The following PLCE1 variants were observed in gnomAD, a reference collection of about 807,000 sequenced individuals.
PLCE1 encodes 1-phosphatidylinositol 4,5-bisphosphate phosphodiesterase epsilon-1.
Under a neutral mutation model 242.8 loss-of-function variants are expected in PLCE1, and 119 were observed. The observed-to-expected ratio is 0.49, with a 90% CI of 0.42 to 0.57. The LOEUF (loss-of-function observed/expected upper bound fraction) is 0.57, where lower values mean the gene tolerates loss of function less well. Ranked by LOEUF, PLCE1 falls within the 20% of genes least tolerant of loss-of-function variation. The pLI is 0.00. For synonymous variants in PLCE1, 945 were observed against 1,017.4 expected (o/e 0.93, Z 1.35); for missense variants, 2,441 against 2,788.8 (o/e 0.88, Z 2.81).
intron 21 of PLCE1, 117 bp downstream of exon 21, chr10:94,284,028 A>C: frequency 8.2e-7 from 1 of 1,222,220 alleles, no homozygotes; most frequent in Non-Finnish European, 1.2e-6. Flanking sequence ...ACTTTCCCTT[A>C]GATACCTGCC....
At position 94,328,871 on chromosome 10, in the gene PLCE1, C is replaced by T. The variant is rs534745140; in HGVS notation, c.*928C>T. 2.4e-4 allele frequency: 37 copies of T among 152,032 alleles called. No homozygotes were observed. In the South Asian group the frequency reaches 6.9e-3, roughly 28 times the overall value. 9.4% of individuals were successfully genotyped at this position (152,032 alleles called of 1,614,324 possible). ...GATTAGATTACTCATTTTTGGTTTT[C>T]AAAATGAATTTAGAATGACGTATAA... On this transcript the variant is annotated 3_prime_UTR_variant, in exon 33 of 33. Coordinates refer to ENST00000371380, the MANE Select transcript of PLCE1 (RefSeq NM_016341.4).
chr10:94,305,673 T>C (rs1035296723), intron 25 of PLCE1, among the ~76,000 whole-genome samples: 3 of 152,232 alleles, frequency 2.0e-5, no homozygotes, highest in African/African-American at 7.2e-5. Context: ...GGTAGTTTTA[T>C]CTGTTTACAG....
At chr10:94,088,727 T>C (rs567479632) in intron 2 of PLCE1, among the ~76,000 whole-genome samples, 168 of 152,316 alleles carry the variant, frequency 1.1e-3, no homozygotes, top group East Asian at 1.2e-3. Flanking sequence ...TGATACTGGG[T>C]TCTTTGCACA....
chr10:94,005,849 T>C (rs925977166), intron 1 of PLCE1, among the ~76,000 whole-genome samples: 6 of 152,326 alleles, frequency 3.9e-5, no homozygotes, highest in Non-Finnish European at 8.8e-5. Flanking sequence ...TCCATTCTAA[T>C]GTTTGTCTTT....
At chr10:94,200,358 G>A (rs1283981076) in intron 4 of PLCE1, among the ~76,000 whole-genome samples, 2 of 152,180 alleles carry the variant, frequency 1.3e-5, no homozygotes, top group African/African-American at 2.4e-5. Flanking sequence ...TGCTTCAACG[G>A]AAACACAAGT....
chr10:94,255,966 TCC>T (rs2051077932), intron 11 of PLCE1, among the ~76,000 whole-genome samples: 4 of 84,624 alleles, frequency 4.7e-5, no homozygotes, highest in South Asian at 4.2e-4. Flanking sequence ...TCCCCACCCC[TCC>T]CTCTCTCCCC....
rs548340585 is a variant in PLCE1, at chr10:94,259,799, T to A, written c.3814+649T>A. ...GACATACCCAAGACTGGGTAATTTA[T>A]AAGGAAAAAGAGGTTTAAGGGGCTC... On this transcript the variant is annotated intron_variant, in intron 13 of 32. Transcript: ENST00000371380. Among the ~76,000 whole-genome samples the A allele has an allele frequency of 6.7e-4, 102 of 152,192 alleles. 1 individual carries two copies. Among genetic ancestry groups the A allele is most frequent in the Admixed American group, 1.6e-3 (25 of 15,286 alleles).
intron 3 of PLCE1, among the ~76,000 whole-genome samples, chr10:94,167,930 G>A (rs183354784): frequency 3.0e-4 from 46 of 152,008 alleles, no homozygotes; most frequent in African/African-American, 6.8e-4. Context: ...CAAGTGATCC[G>A]CCAGCCTCGG....
At chr10:94,301,949 T>C (rs541828609) in intron 24 of PLCE1, among the ~76,000 whole-genome samples, 2 of 152,214 alleles carry the variant, frequency 1.3e-5, no homozygotes, top group Non-Finnish European at 2.9e-5. Flanking sequence ...GTGAATGGTG[T>C]CTACATAATG....
chr10:94,041,607 C>T (rs1017321669), intron 2 of PLCE1, among the ~76,000 whole-genome samples: 1 of 152,130 alleles, frequency 6.6e-6, no homozygotes, highest in Non-Finnish European at 1.5e-5. Flanking sequence ...AGGAAACACG[C>T]CTCCCGATCT....
chr10:94,086,151 G>T (rs1427036211), intron 2 of PLCE1, among the ~76,000 whole-genome samples: 1 of 152,100 alleles, frequency 6.6e-6, no homozygotes, highest in Non-Finnish European at 1.5e-5. Context: ...TGCTGTGCTG[G>T]GGAAGCTTTG....
chr10:94,067,499 T>C (rs566423763), intron 2 of PLCE1, among the ~76,000 whole-genome samples: 1 of 152,230 alleles, frequency 6.6e-6, no homozygotes, highest in African/African-American at 2.4e-5. Flanking sequence ...TTTAAATAAG[T>C]CAGGTTCAAG....
chr10:94,313,761 T>C (rs2053471284), intron 28 of PLCE1, among the ~76,000 whole-genome samples: 1 of 152,156 alleles, frequency 6.6e-6, no homozygotes, highest in Non-Finnish European at 1.5e-5. Context: ...AGATTATTAA[T>C]CAATCAGAAT....
At chr10:94,146,786 C>T (rs1351774944) in intron 3 of PLCE1, among the ~76,000 whole-genome samples, 2 of 152,216 alleles carry the variant, frequency 1.3e-5, no homozygotes, top group Non-Finnish European at 2.9e-5. Context: ...TCTCAAATGT[C>T]TTAATGCCTC....
At chr10:94,018,136 CAATT>C (rs1463568367) in intron 1 of PLCE1, among the ~76,000 whole-genome samples, 2 of 152,100 alleles carry the variant, frequency 1.3e-5, no homozygotes, top group Non-Finnish European at 2.9e-5. Flanking sequence ...TGTTGACTGT[CAATT>C]AATTTAAAAT....
intron 7 of PLCE1, among the ~76,000 whole-genome samples, chr10:94,238,598 A>G (rs1312311769): frequency 6.6e-6 from 1 of 152,226 alleles, no homozygotes; most frequent in Non-Finnish European, 1.5e-5. Flanking sequence ...CATATGAATT[A>G]TAATGCTCAT....
At chr10:94,104,226 G>A (rs901307541) in intron 2 of PLCE1, 4 of 152,188 alleles carry the variant, frequency 2.6e-5, no homozygotes, top group East Asian at 1.9e-4. Context: ...AAATAGTAAC[G>A]TCCTCTTCAC....
At chr10:94,043,976 T>C (rs2061827979) in intron 2 of PLCE1, among the ~76,000 whole-genome samples, 1 of 152,190 alleles carries the variant, frequency 6.6e-6, no homozygotes, top group African/African-American at 2.4e-5. Context: ...TAGCTATTGA[T>C]CACAGCATAA....
chr10:94,081,683 A>G (rs1410718465), intron 2 of PLCE1, among the ~76,000 whole-genome samples: 1 of 152,218 alleles, frequency 6.6e-6, no homozygotes, highest in African/African-American at 2.4e-5. Context: ...GATTACACTA[A>G]TAATCAATAA....
Sources: gnomAD v4.1 joint callset for allele counts (sites outside exome capture counted in the v4.1 genomes callset) on GRCh38, gnomAD v4.1.1 for gene constraint, MANE v1.5 for transcripts, NCBI Gene and HGNC (gene_info 2026-07-23, HGNC 2026-07-21) for gene names.